The following TBC1D9 variants were observed in gnomAD, a reference collection of about 807,000 sequenced individuals.
TBC1D9 encodes the protein TBC1 domain family member 9, also known as TBC1 domain family member 9A.
TBC1D9 carries 63 observed loss-of-function variants against 132.0 expected under a neutral mutation model. That is an observed-to-expected ratio of 0.48 (90% CI 0.39 to 0.59). The LOEUF (loss-of-function observed/expected upper bound fraction) is 0.59, where lower values mean the gene tolerates loss of function less well. TBC1D9 is among the 20% of genes least tolerant of loss of function. The pLI, the probability that TBC1D9 is intolerant of heterozygous loss-of-function variation, is 0.00. For synonymous variants in TBC1D9, 610 were observed against 609.9 expected, an observed-to-expected ratio of 1.00 and a Z score of 0.00; for missense variants, 1,261 against 1,592.7, an observed-to-expected ratio of 0.79 and a Z score of 3.54.
intron 18 of TBC1D9, 40 bp from the exon 19 acceptor site, chr4:140,624,428 T>G: frequency 6.4e-7 from 1 of 1,556,872 alleles, no homozygotes; most frequent in Non-Finnish European, 8.8e-7. Context: ...TAGAATGTTA[T>G]ATAATATGAC....
chr4:140,651,760 GA>G (rs947468132), intron 13 of TBC1D9, among the ~76,000 whole-genome samples: 13 of 152,166 alleles, frequency 8.5e-5, no homozygotes, highest in African/African-American at 2.9e-4. Flanking sequence ...AAAAAGTGGG[GA>G]GGAGTAATAA....
intron 1 of TBC1D9, among the ~76,000 whole-genome samples, chr4:140,742,904 AG>A (rs1738781987): frequency 6.6e-6 from 1 of 151,884 alleles, no homozygotes; most frequent in Non-Finnish European, 1.5e-5. Flanking sequence ...GAGGAGGAGG[AG>A]GAGGAGAAAG....
intron 1 of TBC1D9, among the ~76,000 whole-genome samples, chr4:140,748,592 A>G (rs938102516): frequency 2.0e-5 from 3 of 152,238 alleles, no homozygotes; most frequent in Non-Finnish European, 2.9e-5. Context: ...GCAGTTAGAG[A>G]AAAAAGACAT....
chr4:140,755,579 A>G (rs1332878691), intron 1 of TBC1D9, among the ~76,000 whole-genome samples: 1 of 152,126 alleles, frequency 6.6e-6, no homozygotes, highest in Admixed American at 6.5e-5. Flanking sequence ...TTGGAAAACA[A>G]TATTTTTAAG....
intron 2 of TBC1D9, among the ~76,000 whole-genome samples, chr4:140,697,885 G>A (rs146284039): frequency 1.3e-3 from 191 of 152,248 alleles, no homozygotes; most frequent in Non-Finnish European, 2.3e-3. Flanking sequence ...TGGGAAGACC[G>A]AGCCTGGAGG....
Position 140,622,404 on chromosome 4 carries a change from C to T in TBC1D9, c.3592G>A (p.Ala1198Thr). ...VLVRSGQGTA[A>T]LPRSTSLDRD... Reference sequence around the variant, plus strand: ...TCCAGGCTGGTGCTCCGGGGCAGTGCCGCCGTGCCCTGGCCGCTCCGCACC... The same window carrying T: ...TCCAGGCTGGTGCTCCGGGGCAGTGTCGCCGTGCCCTGGCCGCTCCGCACC... The change falls in exon 21 of 21, where the codon GCA (alanine) becomes ACA (threonine). Residue 1198 changes from alanine to threonine, a missense_variant. Ala to Thr is a moderately conservative substitution (Grantham distance 58). Coordinates refer to ENST00000442267, the MANE Select transcript of TBC1D9 (RefSeq NM_015130.3). 3 of 1,612,810 alleles carry T rather than the reference C, an allele frequency of 1.9e-6. No individual in the cohort carries two copies. The highest frequency in any genetic ancestry group is 2.5e-6 in the Non-Finnish European group (3 of 1,179,024).
chr4:140,671,727 C>T (rs1737540357), intron 6 of TBC1D9, among the ~76,000 whole-genome samples: 1 of 131,966 alleles, frequency 7.6e-6, no homozygotes, highest in Non-Finnish European at 1.5e-5. Flanking sequence ...CCGAAGCCTA[C>T]CACATTGGGG....
intron 13 of TBC1D9, chr4:140,645,091 G>C (rs556448917): frequency 3.7e-6 from 2 of 536,942 alleles, no homozygotes; most frequent in South Asian, 3.1e-5. Flanking sequence ...CAGGTCACCA[G>C]GAGGTTGGGG....
At chr4:140,623,983 C>T in intron 20 of TBC1D9, 133 bp downstream of exon 20, 2 of 705,320 alleles carry the variant, frequency 2.8e-6, no homozygotes, top group South Asian at 2.2e-5. Flanking sequence ...AAAATAGGTC[C>T]AAATGGATAC....
chr4:140,712,652 G>A (rs1189316735), intron 1 of TBC1D9, among the ~76,000 whole-genome samples: 1 of 151,336 alleles, frequency 6.6e-6, no homozygotes, highest in Non-Finnish European at 1.5e-5. Context: ...TGAGGCAGGA[G>A]AATTGCTTGA....
In TBC1D9 at chr4:140,657,155, T is replaced by C. The variant is rs1737285969; in HGVS notation, c.2279A>G (p.Asp760Gly). The C allele has an allele frequency of 6.2e-7, 1 of 1,613,872 alleles. No individual in the cohort carries two copies. The highest frequency in any genetic ancestry group is 1.1e-5 in the South Asian group (1 of 91,088). Residue 760 changes from aspartate (D) to glycine (G), a missense_variant, in exon 13 of 21, where the codon GAT (aspartate) becomes GGT (glycine). By Grantham distance (94) the Asp-to-Gly change is moderately conservative. Coordinates refer to ENST00000442267, the MANE Select transcript of TBC1D9 (RefSeq NM_015130.3). ...PIPHLHSLLS[D>G]DVEPYPEVDI... The stretch of plus-strand genomic sequence containing the variant: ...TACCTCAGGGTAAGGTTCCACATCA[T>C]CGCTGAGCAAGGAGTGGAGGTGAGG...
At chr4:140,631,093 T>C (rs1014064211) in intron 16 of TBC1D9, among the ~76,000 whole-genome samples, 2 of 152,238 alleles carry the variant, frequency 1.3e-5, no homozygotes, top group African/African-American at 4.8e-5. Context: ...ACCTTTTCCA[T>C]TGGTAATGAA....
intron 15 of TBC1D9, 137 bp downstream of exon 15, chr4:140,638,949 C>G (rs1211190720): frequency 1.6e-6 from 1 of 614,448 alleles, no homozygotes; most frequent in African/African-American, 1.8e-5. Context: ...ATATTAAGTA[C>G]TACAGTTTTG....
At chr4:140,637,872 G>A (rs732611) in intron 15 of TBC1D9, among the ~76,000 whole-genome samples, 16,267 of 152,166 alleles carry the variant, frequency 0.11, 1,146 homozygotes, top group South Asian at 0.22. Flanking sequence ...CGGTTTCCTC[G>A]TCAGAAAAAT....
At chr4:140,727,960 C>T (rs1334476690) in intron 1 of TBC1D9, among the ~76,000 whole-genome samples, 1 of 152,198 alleles carries the variant, frequency 6.6e-6, no homozygotes, top group African/African-American at 2.4e-5. Flanking sequence ...ATTCTTTCTC[C>T]AGATAAAATT....
At chr4:140,657,486 A>G in intron 12 of TBC1D9, 41 bp downstream of exon 12, 1 of 1,566,510 alleles carries the variant, frequency 6.4e-7, no homozygotes, top group Non-Finnish European at 8.7e-7. Context: ...CATGAGGAAG[A>G]AAACCGGAGA....
intron 1 of TBC1D9, among the ~76,000 whole-genome samples, chr4:140,754,282 CA>C (rs1295098505): frequency 3.1e-4 from 47 of 152,242 alleles, no homozygotes; most frequent in Non-Finnish European, 2.6e-4. Flanking sequence ...CTTTTTACTA[CA>C]ATAAATTATC....
intron 13 of TBC1D9, chr4:140,642,709 C>A: frequency 1.5e-6 from 1 of 661,994 alleles, no homozygotes. Flanking sequence ...TGTGTTCCTC[C>A]TTGGGCCCTT....
In TBC1D9 at chr4:140,746,496, A is replaced by G. The variant is rs867412146; in HGVS notation, c.130+9420T>C. 4.6e-5 allele frequency among the ~76,000 whole-genome samples: 7 copies of G among 152,318 alleles called. No homozygotes were observed. In the South Asian group the frequency reaches 1.4e-3, roughly 32 times the overall value. ...TAATATACACCATTATAATTAATCT[A>G]TTAGTCCATTTTCATGCTACTGATA... is the stretch of plus-strand genomic sequence containing the variant. On this transcript the variant is annotated intron_variant, in intron 1 of 20. Coordinates refer to ENST00000442267, the MANE Select transcript of TBC1D9 (RefSeq NM_015130.3).
Sources: gnomAD v4.1 joint callset for allele counts (sites outside exome capture counted in the v4.1 genomes callset) on GRCh38, gnomAD v4.1.1 for gene constraint, MANE v1.5 for transcripts, NCBI Gene and HGNC (gene_info 2026-07-23, HGNC 2026-07-21) for gene names.